The following TAS2R31 variants were observed in gnomAD, a reference collection of about 807,000 sequenced individuals.
TAS2R31 encodes the protein taste receptor type 2 member 31.
For missense variants in TAS2R31, 352 were observed against 347.4 expected, an observed-to-expected ratio of 1.01 and a Z score of -0.10; for synonymous variants, 118 against 131.4, an observed-to-expected ratio of 0.90 and a Z score of 0.70.
In TAS2R31 at chr12:11,030,548, A is replaced by C; in HGVS notation, c.788T>G (p.Phe263Cys). ...GSLENKPVFMFCKAIRFSYPS... is the reference protein window; with the variant it reads ...GSLENKPVFMCCKAIRFSYPS... ...ATAGCTGAATCTAATAGCTTTGCAG[A>C]ACATGAAGACAGGTTTGTTTTCCAG... The change falls in exon 1 of 1, where the codon TTC (phenylalanine) becomes TGC (cysteine). Residue 263 changes from phenylalanine (F) to cysteine (C), a missense_variant. Physicochemically the swap from Phe to Cys is radical, Grantham distance 205. Transcript: ENST00000390675. 6.2e-7 allele frequency: 1 copy of C among 1,614,220 alleles called. No homozygotes were observed. The highest frequency in any genetic ancestry group is 8.5e-7 in the Non-Finnish European group (1 of 1,179,998).
the TAS2R31 span, chr12:11,030,814 A>AAG: frequency 6.2e-7 from 1 of 1,614,194 alleles, no homozygotes; most frequent in African/African-American, 1.3e-5. Context: ...TCGCATCTGA[A>AAG]AGGTACACTG....
Position 11,031,053 on chromosome 12 carries a change from T to G in TAS2R31, c.283A>C (p.Ser95Arg). The G allele has an allele frequency of 6.2e-7, 1 of 1,614,308 alleles. No individual in the cohort carries two copies. The highest frequency in any genetic ancestry group is 1.1e-5 in the South Asian group (1 of 91,092). ...YNVWAVTGHF[S>R]NWLATSLSIF... ...CTGAGGCTAGTAGCAAGCCAGTTGC[T>G]GAAATGGCCGGTTACTGCCCAGACA... The change falls in exon 1 of 1, where the codon AGC (serine) becomes CGC (arginine). Residue 95 changes from serine (S) to arginine (R), a missense_variant. Physicochemically the swap from Ser to Arg is moderately radical, Grantham distance 110. Transcript: ENST00000390675.
rs752696463 is a variant in TAS2R31 at position 11,030,820 on chromosome 12, C to T, written c.516G>A (p.Val172=). ...TGGTTACAGTCGCATCTGAAAGGTA[C>T]ACTGCACTCCTCAATTTGATCTTCC... ...LTWKIKLRSA[V]YLSDATVTTL... is the part of the protein sequence containing the mutation. The change falls in exon 1 of 1, where the codon GTG becomes GTA. Residue 172 remains valine (V), a synonymous_variant. Coordinates refer to ENST00000390675, the MANE Select transcript of TAS2R31 (RefSeq NM_176885.2). The T allele has an allele frequency of 1.2e-6, 2 of 1,614,178 alleles. No homozygotes were observed. Among genetic ancestry groups the T allele is most frequent in the Non-Finnish European group, 1.7e-6 (2 of 1,180,014 alleles).
chr12:11,030,953 A>C lies in TAS2R31; in HGVS notation c.383T>G (p.Val128Gly), dbSNP rs770193456. ...AGGCCCCAACAGCATCACCAGAATGACACTCTTAACTCTCCTCTTTAAGTG... is the reference window on the plus strand; with the variant it reads ...AGGCCCCAACAGCATCACCAGAATGCCACTCTTAACTCTCCTCTTTAAGTG... ...FLHLKRRVKS[V>G]ILVMLLGPLL... The change falls in exon 1 of 1, where the codon GTC becomes GGC. Residue 128 changes from valine (V) to glycine (G), a missense_variant. Coordinates refer to ENST00000390675, the MANE Select transcript of TAS2R31 (RefSeq NM_176885.2). The C allele has an allele frequency of 1.5e-5, 24 of 1,614,296 alleles. No homozygotes were observed. The South Asian group carries it at 2.6e-4, about 18-fold the overall frequency.
rs1224434877 is a variant in TAS2R31, at chr12:11,031,270, A to C, written c.66T>G (p.Phe22Leu). 3.1e-6 allele frequency: 5 copies of C among 1,614,084 alleles called. No homozygotes were observed. Residue 22 changes from phenylalanine to leucine, a missense_variant, in exon 1 of 1, where the codon TTT becomes TTG. Physicochemically the swap from Phe to Leu is conservative, Grantham distance 22 (BLOSUM62 0). Coordinates refer to ENST00000390675, the MANE Select transcript of TAS2R31 (RefSeq NM_176885.2). ...TTACCAATGCTATGAAGCCATTAGC[A>C]AAATTTCCAATAACAAATAGAACCA... Reference protein sequence around the residue: ...VVVVLFVIGNFANGFIALVNS... With the variant: ...VVVVLFVIGNLANGFIALVNS...
Position 11,031,115 on chromosome 12 carries a change from G to A in TAS2R31, c.221C>T (p.Ala74Val). 2 of 1,614,270 alleles carry A rather than the reference G, an allele frequency of 1.2e-6. No homozygotes were observed. Among genetic ancestry groups the A allele is most frequent in the Non-Finnish European group, 1.7e-6 (2 of 1,180,052 alleles). ...LNWYSTVFNP[A>V]FYSVEVRTTA... ...AGTTCTTACTTCTACACTATAAAAA[G>A]CTGGATTAAACACAGTTGAATACCA... Residue 74 changes from alanine to valine, a missense_variant, in exon 1 of 1, where the codon GCT becomes GTT. Physicochemically the swap from Ala to Val is moderately conservative, Grantham distance 64. Coordinates refer to ENST00000390675, the MANE Select transcript of TAS2R31 (RefSeq NM_176885.2).
rs750544925 is a variant in TAS2R31 at position 11,030,836 on chromosome 12, T to G, written c.500A>C (p.Lys167Thr). 1 of 1,614,152 alleles carries G rather than the reference T, an allele frequency of 6.2e-7. No homozygotes were observed. The highest frequency in any genetic ancestry group is 1.3e-5 in the African/African-American group (1 of 75,034). Reference protein sequence around the residue: ...EYEGNLTWKIKLRSAVYLSDA... With the variant: ...EYEGNLTWKITLRSAVYLSDA... ...TGAAAGGTACACTGCACTCCTCAATTTGATCTTCCAAGTCAAGTTTCCTTC... is the reference window on the plus strand; with the variant it reads ...TGAAAGGTACACTGCACTCCTCAATGTGATCTTCCAAGTCAAGTTTCCTTC... The change falls in exon 1 of 1, where the codon AAA (lysine) becomes ACA (threonine). Residue 167 changes from lysine (K) to threonine (T), a missense_variant. Transcript: ENST00000390675.
chr12:11,030,654 A>G lies in TAS2R31; in HGVS notation c.682T>C (p.Leu228=), dbSNP rs1942151056. 6.2e-7 allele frequency: 1 copy of G among 1,614,212 alleles called. No homozygotes were observed. Among genetic ancestry groups the G allele is most frequent in the Non-Finnish European group, 8.5e-7 (1 of 1,180,028 alleles). ...DPSTKVHIKA[L]QTVIFFLLLC... ...AAGAGGAAAAAGATCACAGTTTGCAAAGCTTTTATGTGGACCTTGGTGCTG... is the reference window on the plus strand; with the variant it reads ...AAGAGGAAAAAGATCACAGTTTGCAGAGCTTTTATGTGGACCTTGGTGCTG... The change falls in exon 1 of 1, where the codon TTG becomes CTG. Residue 228 remains leucine, a synonymous_variant. Transcript: ENST00000390675.
chr12:11,031,307 GA>G, the TAS2R31 span: 8 of 1,611,274 alleles, frequency 5.0e-6, no homozygotes, highest in South Asian at 8.8e-5. Context: ...TACCACACTG[GA>G]AAAAATGATG....
Position 11,031,400 on chromosome 12 carries a change from T to A in TAS2R31, c.-65A>T. The A allele has an allele frequency of 6.4e-7, 1 of 1,560,688 alleles. No individual in the cohort carries two copies. Among genetic ancestry groups the A allele is most frequent in the Non-Finnish European group, 8.7e-7 (1 of 1,155,100 alleles). On this transcript the variant is annotated 5_prime_UTR_variant, in exon 1 of 1. Coordinates refer to ENST00000390675, the MANE Select transcript of TAS2R31 (RefSeq NM_176885.2). ...TGTGTCCGGAGTTGGTTCCTGCAGGTGGGTTCGTGGTCTCCCTGACTTCAA... is the reference window on the plus strand; with the variant it reads ...TGTGTCCGGAGTTGGTTCCTGCAGGAGGGTTCGTGGTCTCCCTGACTTCAA...
rs566360547 is a variant in TAS2R31, at chr12:11,030,500, A to G, written c.836T>C (p.Leu279Pro). The change falls in exon 1 of 1, where the codon CTG becomes CCG. Residue 279 changes from leucine to proline, a missense_variant. Coordinates refer to ENST00000390675, the MANE Select transcript of TAS2R31 (RefSeq NM_176885.2). ...FSYPSIHPFI[L>P]IWGNKKLKQT... ...CTTTAGCTTCTTGTTTCCCCAAATC[A>G]GGATGAATGGGTGGATTGAAGGATA... 4.5e-5 allele frequency: 72 copies of G among 1,614,276 alleles called. No individual in the cohort carries two copies. The South Asian group carries it at 7.6e-4, about 17-fold the overall frequency.
rs779833946 is a variant in TAS2R31 at position 11,031,075 on chromosome 12, G to C, written c.261C>G (p.Val87=). The part of the protein sequence containing the change: ...SVEVRTTAYN[V]WAVTGHFSNW... Reference sequence around the variant, plus strand: ...TGCTGAAATGGCCGGTTACTGCCCAGACATTATAAGCAGTAGTTCTTACTT... The same window carrying C: ...TGCTGAAATGGCCGGTTACTGCCCACACATTATAAGCAGTAGTTCTTACTT... The change falls in exon 1 of 1, where the codon GTC becomes GTG. Residue 87 remains valine (V), a synonymous_variant. Transcript: ENST00000390675. The C allele has an allele frequency of 3.1e-6, 5 of 1,614,180 alleles. No individual in the cohort carries two copies. The highest frequency in any genetic ancestry group is 4.2e-6 in the Non-Finnish European group (5 of 1,180,070).
rs375736512 is a variant in TAS2R31 at position 11,031,381 on chromosome 12, C to T, written c.-46G>A. 53 of 1,588,518 alleles carry T rather than the reference C, an allele frequency of 3.3e-5. No individual in the cohort carries two copies. Among genetic ancestry groups the T allele is most frequent in the Admixed American group, 2.7e-4 (15 of 56,572 alleles). On this transcript the variant is annotated 5_prime_UTR_variant, in exon 1 of 1. Transcript: ENST00000390675. ...ATTGTTTTAATGCTGGTGTTGTGTC[C>T]GGAGTTGGTTCCTGCAGGTGGGTTC...
rs776604772 is a variant in TAS2R31, at chr12:11,030,454, C to A, written c.882G>T (p.Leu294Phe). Residue 294 changes from leucine (L) to phenylalanine (F), a missense_variant, in exon 1 of 1, where the codon TTG becomes TTT. By Grantham distance (22) the Leu-to-Phe change is conservative. Transcript: ENST00000390675. Reference protein sequence around the residue: ...KKLKQTFLSVLRQVRYWVKGE... With the variant: ...KKLKQTFLSVFRQVRYWVKGE... ...CTTTCACCCAGTACCTCACTTGCCG[C>A]AAAACTGAAAGAAAAGTCTGCTTTA... The A allele has an allele frequency of 3.7e-6, 6 of 1,614,074 alleles. No individual in the cohort carries two copies. The highest frequency in any genetic ancestry group is 1.6e-4 in the Middle Eastern group (1 of 6,084).
chr12:11,030,734 G>T lies in TAS2R31; in HGVS notation c.602C>A (p.Ser201Tyr). ...CATCTTCTTGAGATGTTTACACAGA[G>T]AACAGATTAACAGCAAAAAACATAG... is the stretch of plus-strand genomic sequence containing the variant. ...TLLCFLLLIC[S>Y]LCKHLKKMQL... Residue 201 changes from serine (S) to tyrosine (Y), a missense_variant, in exon 1 of 1, where the codon TCT becomes TAT. Physicochemically the swap from Ser to Tyr is moderately radical, Grantham distance 144 (BLOSUM62 -2). Coordinates refer to ENST00000390675, the MANE Select transcript of TAS2R31 (RefSeq NM_176885.2). 1.2e-6 allele frequency: 2 copies of T among 1,614,210 alleles called. No homozygotes were observed. Among genetic ancestry groups the T allele is most frequent in the Non-Finnish European group, 1.7e-6 (2 of 1,180,048 alleles).
In TAS2R31 at chr12:11,030,546, A is replaced by G. The variant is rs1277374407; in HGVS notation, c.790T>C (p.Cys264Arg). The G allele has an allele frequency of 6.2e-7, 1 of 1,614,102 alleles. No homozygotes were observed. The highest frequency in any genetic ancestry group is 1.3e-5 in the African/African-American group (1 of 74,950). ...SLENKPVFMF[C>R]KAIRFSYPSI... ...GGATAGCTGAATCTAATAGCTTTGC[A>G]GAACATGAAGACAGGTTTGTTTTCC... The change falls in exon 1 of 1, where the codon TGC (cysteine) becomes CGC (arginine). Residue 264 changes from cysteine (C) to arginine (R), a missense_variant. Transcript: ENST00000390675.
chr12:11,030,701 T>G lies in TAS2R31; in HGVS notation c.635A>C (p.His212Pro), dbSNP rs569826674. ...LCKHLKKMQL[H>P]GKGSQDPSTK... ...GCTGGGATCTTGAGATCCTTTACCA[T>G]GGAGCTGCATCTTCTTGAGATGTTT... is the stretch of plus-strand genomic sequence containing the variant. The change falls in exon 1 of 1, where the codon CAT becomes CCT. Residue 212 changes from histidine to proline, a missense_variant. Coordinates refer to ENST00000390675, the MANE Select transcript of TAS2R31 (RefSeq NM_176885.2). The G allele has an allele frequency of 6.2e-7, 1 of 1,614,084 alleles. No homozygotes were observed. The highest frequency in any genetic ancestry group is 8.5e-7 in the Non-Finnish European group (1 of 1,180,040).
At position 11,031,188 on chromosome 12, in the gene TAS2R31, C is replaced by A. The variant is rs1404808670; in HGVS notation, c.148G>T (p.Ala50Ser). The change falls in exon 1 of 1, where the codon GCT becomes TCT. Residue 50 changes from alanine (A) to serine (S), a missense_variant. Ala to Ser is a moderately conservative substitution (Grantham distance 99, BLOSUM62 1). Transcript: ENST00000390675. ...KISFADQILT[A>S]LAVSRVGLLW... ...AAACCAACTCTGGAGACCGCCAGAG[C>A]AGTGAGAATCTGGTCAGCAAAAGAG... 1 of 1,614,158 alleles carries A rather than the reference C, an allele frequency of 6.2e-7. No homozygotes were observed. Among genetic ancestry groups the A allele is most frequent in the South Asian group, 1.1e-5 (1 of 91,086 alleles).
At position 11,030,608 on chromosome 12, in the gene TAS2R31, A is replaced by G. The variant is rs1281291173; in HGVS notation, c.728T>C (p.Leu243Pro). The G allele has an allele frequency of 6.2e-7, 1 of 1,614,086 alleles. No homozygotes were observed. Among genetic ancestry groups the G allele is most frequent in the East Asian group, 2.2e-5 (1 of 44,892 alleles). ...ACTCCAAACTGATATCATTATGGAC[A>G]GAAAGTAAACGGCACATAACAAGAG... The part of the protein sequence containing the change: ...FFLLLCAVYF[L>P]SIMISVWSFG... The change falls in exon 1 of 1, where the codon CTG becomes CCG. Residue 243 changes from leucine (L) to proline (P), a missense_variant. Coordinates refer to ENST00000390675, the MANE Select transcript of TAS2R31 (RefSeq NM_176885.2).
Sources: allele counts gnomAD v4.1 joint callset, GRCh38; gene constraint gnomAD v4.1.1; transcripts MANE v1.5; gene names NCBI Gene and HGNC (gene_info 2026-07-23, HGNC 2026-07-21).